Variants in FEZ2 observed in about 807,000 individuals in gnomAD.
FEZ2 encodes the protein fasciculation and elongation protein zeta-2.
Under a neutral mutation model 40.4 loss-of-function variants are expected in FEZ2, and 51 were observed. That is an observed-to-expected ratio of 1.26 (90% CI 1.01 to 1.59). The LOEUF (loss-of-function observed/expected upper bound fraction) is 1.59. Ranked by LOEUF, FEZ2 falls within the 40% of genes most tolerant of loss-of-function variation. FEZ2 has a pLI of 0.00. For synonymous variants in FEZ2, 242 were observed against 172.0 expected (o/e 1.41, Z -3.18); for missense variants, 640 against 438.3 (o/e 1.46, Z -4.11).
intron 5 of FEZ2, among the ~76,000 whole-genome samples, chr2:36,563,292 T>A: frequency 6.6e-6 from 1 of 152,032 alleles, no homozygotes; most frequent in East Asian, 1.9e-4. Flanking sequence ...AAAACAAAAC[T>A]AACAGCTGAT....
chr2:36,566,629 T>C (rs1421173162), intron 5 of FEZ2, among the ~76,000 whole-genome samples: 1 of 152,220 alleles, frequency 6.6e-6, no homozygotes, highest in Non-Finnish European at 1.5e-5. Context: ...GTGGGATACT[T>C]CCAGATTTCT....
At chr2:36,565,215 A>C (rs945676865) in intron 5 of FEZ2, among the ~76,000 whole-genome samples, 2 of 152,168 alleles carry the variant, frequency 1.3e-5, no homozygotes, top group African/African-American at 4.8e-5. Context: ...TTCTTACATG[A>C]AATCGCTGCA....
At position 36,583,421 on chromosome 2, in the gene FEZ2, C is replaced by G. The variant is rs1299404315; in HGVS notation, c.424G>C (p.Glu142Gln). 1 of 1,608,596 alleles carries G rather than the reference C, an allele frequency of 6.2e-7. No individual in the cohort carries two copies. The change falls in exon 3 of 8, where the codon GAA becomes CAA. Residue 142 changes from glutamate (E) to glutamine (Q), a missense_variant. Transcript: ENST00000405912. ...ATGATTGAGTGCATATCCAGCTGTT[C>G]TCTCAGCTCTTCATCATCTGATGTA... ...FDTSDDEELR[E>Q]QLDMHSIIVS...
intron 6 of FEZ2, chr2:36,556,547 G>C (rs953948272): frequency 6.6e-6 from 1 of 152,196 alleles, no homozygotes; most frequent in African/African-American, 2.4e-5. Context: ...GCAAAATAGT[G>C]TAACTGTCAA....
At chr2:36,591,056 A>G (rs918145744) in intron 1 of FEZ2, 45 bp from the exon 2 acceptor site, 2 of 1,175,638 alleles carry the variant, frequency 1.7e-6, no homozygotes, top group Non-Finnish European at 2.5e-6. Context: ...AACATTCTGT[A>G]TGTCTTTCTT....
chr2:36,571,052 A>G (rs535316536), intron 5 of FEZ2, among the ~76,000 whole-genome samples: 1 of 152,232 alleles, frequency 6.6e-6, no homozygotes, highest in Non-Finnish European at 1.5e-5. Flanking sequence ...CCAGCCTACC[A>G]CCAAAAACCA....
chr2:36,580,905 G>GC (rs1668719709), intron 4 of FEZ2, among the ~76,000 whole-genome samples: 1 of 152,226 alleles, frequency 6.6e-6, no homozygotes, highest in Admixed American at 6.5e-5. Context: ...TGTAACTGCA[G>GC]CACTTTGGGA....
chr2:36,595,767 C>T (rs1669203214), intron 1 of FEZ2, among the ~76,000 whole-genome samples: 1 of 152,110 alleles, frequency 6.6e-6, no homozygotes, highest in African/African-American at 2.4e-5. Context: ...GCTCCCAACT[C>T]CCGGAAAAAA....
At chr2:36,576,857 C>T (rs946259086) in intron 5 of FEZ2, among the ~76,000 whole-genome samples, 2 of 152,192 alleles carry the variant, frequency 1.3e-5, no homozygotes, top group East Asian at 1.9e-4. Context: ...AGTTACAAAA[C>T]GAAGCCTTTA....
chr2:36,565,857 T>TGCCAGCAGTACC (rs1219615973), intron 5 of FEZ2, among the ~76,000 whole-genome samples: 6 of 152,148 alleles, frequency 3.9e-5, no homozygotes, highest in African/African-American at 1.2e-4. Context: ...TTCACCAGGA[T>TGCCAGCAGTACC]GCCAGCAGTA....
rs1200009203 is a variant in FEZ2 at position 36,578,706 on chromosome 2, T to A, written c.794A>T (p.Glu265Val). 1 of 1,613,884 alleles carries A rather than the reference T, an allele frequency of 6.2e-7. No homozygotes were observed. The highest frequency in any genetic ancestry group is 1.3e-5 in the African/African-American group (1 of 74,922). ...VKNSFISVLIEVQNKQKEHKE... is the reference protein window; with the variant it reads ...VKNSFISVLIVVQNKQKEHKE... ...GTGCTCTTTCTGTTTGTTTTGCACTTCAATAAGAACAGAAATAAAGCTGTT... is the reference window on the plus strand; with the variant it reads ...GTGCTCTTTCTGTTTGTTTTGCACTACAATAAGAACAGAAATAAAGCTGTT... The change falls in exon 5 of 8, where the codon GAA (glutamate) becomes GTA (valine). Residue 265 changes from glutamate (E) to valine (V), a missense_variant. Transcript: ENST00000405912.
In FEZ2 at chr2:36,571,183, T is replaced by A. The variant is rs115214169; in HGVS notation, c.903+7414A>T. ...TTCCACATCTAAAGTAATTCATAATTCATAGGTTTGAATTATTAAAATAAT... is the reference window on the plus strand; with the variant it reads ...TTCCACATCTAAAGTAATTCATAATACATAGGTTTGAATTATTAAAATAAT... On this transcript the variant is annotated intron_variant, in intron 5 of 7. Coordinates refer to ENST00000405912, the MANE Select transcript of FEZ2 (RefSeq NM_005102.3). Among the ~76,000 whole-genome samples the A allele has an allele frequency of 3.3e-3, 501 of 152,340 alleles. 4 individuals are homozygous for A. Among genetic ancestry groups the A allele is most frequent in the African/African-American group, 0.011 (467 of 41,582 alleles).
chr2:36,588,778 G>T (rs1305678395), intron 2 of FEZ2, among the ~76,000 whole-genome samples: 1 of 149,116 alleles, frequency 6.7e-6, no homozygotes, highest in Non-Finnish European at 1.5e-5. Flanking sequence ...TTATTGTGGG[G>T]TTTTTTTTTC....
chr2:36,586,318 T>C (rs1668897039), intron 2 of FEZ2, among the ~76,000 whole-genome samples: 1 of 152,222 alleles, frequency 6.6e-6, no homozygotes, highest in Admixed American at 6.5e-5. Context: ...TTCTGGCTTA[T>C]AAATACTAAA....
At position 36,578,759 on chromosome 2, in the gene FEZ2, A is replaced by C; in HGVS notation, c.741T>G (p.Asp247Glu). The C allele has an allele frequency of 1.9e-6, 3 of 1,613,910 alleles. No homozygotes were observed. Among genetic ancestry groups the C allele is most frequent in the Non-Finnish European group, 2.5e-6 (3 of 1,179,878 alleles). ...EELVQQLALRDELEFEKEVKN... is the reference protein window; with the variant it reads ...EELVQQLALREELEFEKEVKN... ...TCACTTCCTTTTCAAACTCCAGTTC[A>C]TCTCGTAAAGCCAACTGCTGCACCA... The change falls in exon 5 of 8, where the codon GAT becomes GAG. Residue 247 changes from aspartate (D) to glutamate (E), a missense_variant. By Grantham distance (45) the Asp-to-Glu change is conservative. Coordinates refer to ENST00000405912, the MANE Select transcript of FEZ2 (RefSeq NM_005102.3).
chr2:36,593,457 C>A (rs941666114), intron 1 of FEZ2, among the ~76,000 whole-genome samples: 4 of 152,096 alleles, frequency 2.6e-5, no homozygotes, highest in African/African-American at 7.2e-5. Flanking sequence ...CATACATCTT[C>A]TGAATCTAGA....
At chr2:36,574,777 C>T (rs111989013) in intron 5 of FEZ2, among the ~76,000 whole-genome samples, 237 of 152,236 alleles carry the variant, frequency 1.6e-3, no homozygotes, top group African/African-American at 5.4e-3. Context: ...TGTAGGTCAC[C>T]ATAGTGATAA....
intron 6 of FEZ2, chr2:36,556,656 G>A (rs186053692): frequency 6.6e-6 from 1 of 152,210 alleles, no homozygotes; most frequent in Non-Finnish European, 1.5e-5. Flanking sequence ...CTTCATCTGT[G>A]AAATGAGAAT....
chr2:36,596,382 G>T (rs556982904), intron 1 of FEZ2, among the ~76,000 whole-genome samples: 11 of 152,276 alleles, frequency 7.2e-5, no homozygotes, highest in African/African-American at 2.2e-4. Flanking sequence ...CGTGACTCCT[G>T]TCCTGTCTCT....
Sources: allele counts gnomAD v4.1 joint callset (sites outside exome capture counted in the v4.1 genomes callset), GRCh38; gene constraint gnomAD v4.1.1; transcripts MANE v1.5; gene names NCBI Gene and HGNC (gene_info 2026-07-23, HGNC 2026-07-21).